Variants in ANP32E observed in about 807,000 individuals in gnomAD.
ANP32E encodes the protein acidic nuclear phosphoprotein 32 family member E.
In ANP32E, 14 loss-of-function variants were observed where a neutral mutation model predicts 35.3. That is an observed-to-expected ratio of 0.40 (90% CI 0.26 to 0.62). ANP32E has a LOEUF of 0.62. Ranked by LOEUF, ANP32E falls within the 20% of genes least tolerant of loss-of-function variation. ANP32E has a pLI of 0.45. For synonymous variants in ANP32E, 89 were observed against 110.4 expected (o/e 0.81, Z 1.22); for missense variants, 198 against 304.4 (o/e 0.65, Z 2.60).
At chr1:150,234,461 A>T (rs1649615149) in intron 1 of ANP32E, 6 of 426,690 alleles carry the variant, frequency 1.4e-5, no homozygotes, top group Non-Finnish European at 1.9e-5. Context: ...GCCACTCCAC[A>T]CGCCGGACGC....
intron 1 of ANP32E, among the ~76,000 whole-genome samples, chr1:150,234,882 G>T (rs1553842847): frequency 6.6e-6 from 1 of 152,232 alleles, no homozygotes; most frequent in African/African-American, 2.4e-5. Flanking sequence ...TCTTTAAGGC[G>T]ACAGCAGTGA....
chr1:150,220,844 T>A, intron 6 of ANP32E, 83 bp from the exon 7 acceptor site: 1 of 1,244,768 alleles, frequency 8.0e-7, no homozygotes, highest in Non-Finnish European at 1.2e-6. Context: ...AGTGAAAAGT[T>A]AATGGCAAGG....
intron 2 of ANP32E, among the ~76,000 whole-genome samples, chr1:150,231,551 G>A (rs1553841716): frequency 3.7e-4 from 15 of 40,100 alleles, no homozygotes; most frequent in Non-Finnish European, 1.7e-4. Flanking sequence ...CCAAGATCTT[G>A]CCACGGCACT....
chr1:150,234,609 T>C (rs1553842755), intron 1 of ANP32E: 1 of 985,494 alleles, frequency 1.0e-6, no homozygotes, highest in African/African-American at 1.7e-5. Context: ...TCAGCAAGAC[T>C]GATGCTTTCC....
chr1:150,221,642 T>C (rs1648419520), intron 6 of ANP32E, among the ~76,000 whole-genome samples: 1 of 81,526 alleles, frequency 1.2e-5, no homozygotes, highest in Non-Finnish European at 2.5e-5. Context: ...ATACTTCAAG[T>C]TTCCTCTCTG....
At chr1:150,223,079 T>G in intron 6 of ANP32E, 107 bp downstream of exon 6, 2 of 1,279,000 alleles carry the variant, frequency 1.6e-6, no homozygotes, top group Non-Finnish European at 2.1e-6. Context: ...CAGTAAAAAT[T>G]GGCATTATAG....
Position 150,220,724 on chromosome 1 carries a change from A to G in ANP32E, c.774T>C (p.Asp258=). 6.2e-7 allele frequency: 1 copy of G among 1,614,090 alleles called. No individual in the cohort carries two copies. Among genetic ancestry groups the G allele is most frequent in the Non-Finnish European group, 8.5e-7 (1 of 1,179,996 alleles). ...GGLRGEKRKR[D]AEDDGEEEDD is the part of the protein sequence containing the mutation. ...CTTCTTCCTCTCCATCGTCTTCAGC[A>G]TCTCGTTTCCTCTTCTCCCCTCGAA... The change falls in exon 7 of 7, where the codon GAT becomes GAC. Residue 258 remains aspartate (D), a synonymous_variant. Transcript: ENST00000583931.
At chr1:150,225,836 G>A (rs587597648) in intron 5 of ANP32E, among the ~76,000 whole-genome samples, 2 of 152,126 alleles carry the variant, frequency 1.3e-5, no homozygotes, top group African/African-American at 4.8e-5. Flanking sequence ...CTCCTAAGTG[G>A]TGATGCTGTA....
intron 4 of ANP32E, among the ~76,000 whole-genome samples, chr1:150,228,400 T>C (rs1426918653): frequency 6.6e-6 from 1 of 152,120 alleles, no homozygotes; most frequent in Non-Finnish European, 1.5e-5. Flanking sequence ...TTCTAAAATC[T>C]GTTCATCGGG....
chr1:150,231,353 G>A (rs1560004264), intron 2 of ANP32E, among the ~76,000 whole-genome samples: 1 of 152,174 alleles, frequency 6.6e-6, no homozygotes, highest in Non-Finnish European at 1.5e-5. Context: ...CCAGCACTGT[G>A]GGAGGCCGAG....
chr1:150,221,378 G>A (rs891262571), intron 6 of ANP32E, among the ~76,000 whole-genome samples: 1 of 148,276 alleles, frequency 6.7e-6, no homozygotes, highest in Non-Finnish European at 1.5e-5. Flanking sequence ...GGCAGAGGCT[G>A]CAGTGAGCCG....
chr1:150,234,017 C>T (rs1185066999), intron 1 of ANP32E, among the ~76,000 whole-genome samples: 1 of 152,028 alleles, frequency 6.6e-6, no homozygotes, highest in African/African-American at 2.4e-5. Flanking sequence ...CAACACAATC[C>T]ACCTTACAAG....
rs1386288961 is a variant in ANP32E at position 150,223,205 on chromosome 1, C to T, written c.717G>A (p.Gly239=). ...ACTCACCCTCTTCTTCCTCTTCTTC[C>T]CCTTCTTCAACATAGTCATCATCAT... ...EEDDDDYVEE[G]EEEEEEEEGG... The change falls in exon 6 of 7, where the codon GGG becomes GGA. Residue 239 remains glycine, a synonymous_variant. Transcript: ENST00000583931. 1 of 1,524,862 alleles carries T rather than the reference C, an allele frequency of 6.6e-7. No individual in the cohort carries two copies. The allele number at this position is 1,524,862 out of a possible 1,614,324, so 94.5% of individuals were successfully genotyped here. A position where few individuals can be genotyped will look rare whatever the true frequency, so the allele number is the denominator to read the frequency against.
chr1:150,223,393 C>CA (rs1648592483), intron 5 of ANP32E, 153 bp from the exon 6 acceptor site: 1 of 1,074,828 alleles, frequency 9.3e-7, no homozygotes, highest in African/African-American at 1.6e-5. Context: ...TAAAACCTAA[C>CA]TAAAGGGCCG....
At chr1:150,230,544 G>A (rs1649273673) in intron 3 of ANP32E, 27 bp downstream of exon 3, 2 of 1,551,504 alleles carry the variant, frequency 1.3e-6, no homozygotes, top group South Asian at 2.5e-5. Flanking sequence ...AAAAAAGCAA[G>A]TCCAGAGACA....
intron 4 of ANP32E, among the ~76,000 whole-genome samples, chr1:150,227,664 G>A (rs1458708632): frequency 6.6e-6 from 1 of 151,574 alleles, no homozygotes; most frequent in East Asian, 2.0e-4. Context: ...GAGAGGATCA[G>A]TAGAAGACCA....
intron 6 of ANP32E, among the ~76,000 whole-genome samples, chr1:150,222,809 C>G (rs1220412492): frequency 6.6e-6 from 1 of 151,390 alleles, no homozygotes; most frequent in Non-Finnish European, 1.5e-5. Flanking sequence ...GCCTGGAAAA[C>G]AAATCTAAAA....
At chr1:150,227,251 T>A (rs779549525) in intron 4 of ANP32E, among the ~76,000 whole-genome samples, 2 of 152,164 alleles carry the variant, frequency 1.3e-5, no homozygotes, top group African/African-American at 4.8e-5. Flanking sequence ...ACTGGGTATA[T>A]ACCCAAAGGA....
At chr1:150,232,322 C>T (rs1389848786) in intron 1 of ANP32E, among the ~76,000 whole-genome samples, 1 of 100,346 alleles carries the variant, frequency 1.0e-5, no homozygotes, top group African/African-American at 3.8e-5. Context: ...CCAGCCTGGG[C>T]GACAGAGGGA....
Sources: allele counts gnomAD v4.1 joint callset (sites outside exome capture counted in the v4.1 genomes callset), GRCh38; gene constraint gnomAD v4.1.1; transcripts MANE v1.5; gene names NCBI Gene and HGNC (gene_info 2026-07-23, HGNC 2026-07-21).